FHIT: variants seen among roughly 807,000 people sequenced by gnomAD.
FHIT encodes the protein fragile histidine triad diadenosine triphosphatase.
Under a neutral mutation model 17.9 loss-of-function variants are expected in FHIT, and 19 were observed. The ratio of observed to expected loss-of-function variants is 1.06; its 90% CI spans 0.74 to 1.56. FHIT has a LOEUF of 1.56. FHIT is among the 40% of genes most tolerant of loss of function. The probability of loss-of-function intolerance (pLI) is 0.00; values close to 1 mark genes in which losing one functional copy is unlikely to be tolerated. For missense variants in FHIT, 248 were observed against 189.2 expected, an observed-to-expected ratio of 1.31 and a Z score of -1.82; for synonymous variants, 81 against 69.7, an observed-to-expected ratio of 1.16 and a Z score of -0.81.
intron 8 of FHIT, among the ~76,000 whole-genome samples, chr3:59,879,485 T>C (rs9847503): frequency 4.7e-4 from 72 of 152,226 alleles, no homozygotes; most frequent in African/African-American, 1.6e-3. Context: ...TAGAAAACAA[T>C]TGATAATGAT....
chr3:60,545,900 C>A (rs2036344608), intron 4 of FHIT, among the ~76,000 whole-genome samples: 1 of 152,176 alleles, frequency 6.6e-6, no homozygotes, highest in African/African-American at 2.4e-5. Context: ...TCTGAGAGGA[C>A]TGTTTTAAAT....
Position 60,137,776 on chromosome 3 carries a change from G to C in FHIT, c.104-123624C>G, listed in dbSNP as rs1048517418. ...ATCAACCTCTTCACCTGTAAAATGA[G>C]GGTAAGAATATCCACTCAATAAGTA... is the stretch of plus-strand genomic sequence containing the variant. On this transcript the variant is annotated intron_variant, in intron 5 of 9. Transcript: ENST00000492590. 2.6e-5 allele frequency among the ~76,000 whole-genome samples: 4 copies of C among 152,248 alleles called. No homozygotes were observed. In the East Asian group the frequency reaches 5.8e-4, roughly 22 times the overall value.
At chr3:59,785,233 G>A (rs1182223752) in intron 8 of FHIT, among the ~76,000 whole-genome samples, 3 of 151,724 alleles carry the variant, frequency 2.0e-5, no homozygotes, top group South Asian at 2.1e-4. Context: ...ACACATATCC[G>A]AACCATATCA....
intron 5 of FHIT, among the ~76,000 whole-genome samples, chr3:60,369,620 C>G (rs1700244137): frequency 6.6e-6 from 1 of 152,092 alleles, no homozygotes; most frequent in South Asian, 2.1e-4. Flanking sequence ...TAGAGTGGGC[C>G]TATTTGGTTT....
At chr3:59,796,202 G>A (rs543300674) in intron 8 of FHIT, among the ~76,000 whole-genome samples, 197 of 152,272 alleles carry the variant, frequency 1.3e-3, no homozygotes, top group African/African-American at 2.6e-3. Flanking sequence ...CACATATGGC[G>A]TTAGGTCATT....
intron 3 of FHIT, among the ~76,000 whole-genome samples, chr3:61,020,017 C>G (rs1575849283): frequency 6.6e-6 from 1 of 152,142 alleles, no homozygotes; most frequent in East Asian, 1.9e-4. Flanking sequence ...CCTCCCCTAG[C>G]CCCACAAACC....
At chr3:59,985,868 C>T (rs530165691) in intron 7 of FHIT, among the ~76,000 whole-genome samples, 1 of 151,936 alleles carries the variant, frequency 6.6e-6, no homozygotes, top group Non-Finnish European at 1.5e-5. Flanking sequence ...GAACTGGGTA[C>T]TGGAAATGAA....
chr3:60,529,170 T>C (rs573358859), intron 5 of FHIT, among the ~76,000 whole-genome samples: 4 of 152,342 alleles, frequency 2.6e-5, no homozygotes, highest in South Asian at 2.1e-4. Context: ...ATGGTTATTT[T>C]TTCAGTTAAT....
At chr3:60,542,443 C>CATA (rs1324088459) in intron 4 of FHIT, among the ~76,000 whole-genome samples, 2 of 152,110 alleles carry the variant, frequency 1.3e-5, no homozygotes, top group East Asian at 3.8e-4. Context: ...TACATCCTTA[C>CATA]CAGCACTTGA....
At chr3:59,807,251 C>G (rs1575527950) in intron 8 of FHIT, among the ~76,000 whole-genome samples, 1 of 152,262 alleles carries the variant, frequency 6.6e-6, no homozygotes, top group East Asian at 1.9e-4. Flanking sequence ...ATCTGGAGCC[C>G]CAAATCCAAT....
chr3:60,408,544 A>T (rs1256133730), intron 5 of FHIT, among the ~76,000 whole-genome samples: 3 of 152,202 alleles, frequency 2.0e-5, no homozygotes, highest in African/African-American at 7.2e-5. Context: ...AAAAGAAGAA[A>T]GGAAAAAGAT....
intron 5 of FHIT, among the ~76,000 whole-genome samples, chr3:60,120,350 C>G (rs1705191653): frequency 6.6e-6 from 1 of 152,196 alleles, no homozygotes; most frequent in South Asian, 2.1e-4. Flanking sequence ...AGAATTGATT[C>G]TGAGGCAGGG....
intron 4 of FHIT, among the ~76,000 whole-genome samples, chr3:60,592,137 C>T (rs1268265754): frequency 6.7e-6 from 1 of 149,466 alleles, no homozygotes; most frequent in African/African-American, 2.4e-5. Context: ...TTGAACTCCA[C>T]ATTGTATCAA....
chr3:60,991,601 A>C (rs903460796), intron 3 of FHIT, among the ~76,000 whole-genome samples: 3 of 152,174 alleles, frequency 2.0e-5, no homozygotes, highest in African/African-American at 7.2e-5. Context: ...TAGTCAGAAA[A>C]CCTAGGTTTG....
At chr3:60,233,998 T>G (rs1576346726) in intron 5 of FHIT, among the ~76,000 whole-genome samples, 1 of 152,180 alleles carries the variant, frequency 6.6e-6, no homozygotes, top group Admixed American at 6.5e-5. Flanking sequence ...ATTAGCAGCA[T>G]GAGAACAGAT....
At chr3:60,022,990 G>T (rs1336521437) in intron 5 of FHIT, among the ~76,000 whole-genome samples, 1 of 152,110 alleles carries the variant, frequency 6.6e-6, no homozygotes, top group African/African-American at 2.4e-5. Context: ...GTACTGAAAA[G>T]GAAAATTAAC....
chr3:60,529,887 CA>C (rs1308382736), intron 5 of FHIT, among the ~76,000 whole-genome samples: 1 of 152,130 alleles, frequency 6.6e-6, no homozygotes, highest in Non-Finnish European at 1.5e-5. Flanking sequence ...CCCTCTCCCC[CA>C]GCATACATAC....
At chr3:59,974,413 C>G (rs1708319631) in intron 7 of FHIT, among the ~76,000 whole-genome samples, 1 of 152,266 alleles carries the variant, frequency 6.6e-6, no homozygotes, top group East Asian at 1.9e-4. Flanking sequence ...AAACACCTAC[C>G]TACTGGCTTC....
chr3:60,805,258 T>A (rs1166661828), intron 4 of FHIT, among the ~76,000 whole-genome samples: 1 of 152,226 alleles, frequency 6.6e-6, no homozygotes, highest in Non-Finnish European at 1.5e-5. Context: ...CAGCTTGGGC[T>A]GCCATAACAA....
Sources: gnomAD v4.1 joint callset for allele counts (sites outside exome capture counted in the v4.1 genomes callset) on GRCh38, gnomAD v4.1.1 for gene constraint, MANE v1.5 for transcripts, NCBI Gene and HGNC (gene_info 2026-07-23, HGNC 2026-07-21) for gene names.